The following PLOD2 variants were observed in gnomAD, a reference collection of about 807,000 sequenced individuals.
PLOD2 encodes the protein lysine hydroxylase 2.
PLOD2 carries 65 observed loss-of-function variants against 101.0 expected under a neutral mutation model. That is an observed-to-expected ratio of 0.64 (90% CI 0.53 to 0.79). PLOD2 has a LOEUF of 0.79. PLOD2 is among the 30% of genes least tolerant of loss of function. The pLI is 0.00. For missense variants in PLOD2, 909 were observed against 914.6 expected (o/e 0.99, Z 0.08); for synonymous variants, 314 against 302.9 (o/e 1.04, Z -0.38).
chr3:146,154,620 GAA>G (rs2108146874), intron 1 of PLOD2, among the ~76,000 whole-genome samples: 1 of 152,186 alleles, frequency 6.6e-6, no homozygotes, highest in African/African-American at 2.4e-5. Flanking sequence ...TAGCGGAAAA[GAA>G]ATTGTAAACA....
intron 3 of PLOD2, among the ~76,000 whole-genome samples, chr3:146,110,703 T>C (rs1310173112): frequency 6.6e-6 from 1 of 152,178 alleles, no homozygotes; most frequent in East Asian, 1.9e-4. Flanking sequence ...TTAATTTTTT[T>C]TTCAGGAATC....
intron 7 of PLOD2, among the ~76,000 whole-genome samples, chr3:146,093,562 T>A (rs1302450057): frequency 6.6e-6 from 1 of 152,210 alleles, no homozygotes; most frequent in Non-Finnish European, 1.5e-5. Context: ...ATGTATCCCC[T>A]ATTTAGCATT....
chr3:146,099,828 T>C (rs574651906), intron 7 of PLOD2, among the ~76,000 whole-genome samples: 1 of 151,520 alleles, frequency 6.6e-6, no homozygotes, highest in African/African-American at 2.4e-5. Flanking sequence ...TACACACACA[T>C]AGTAAAGGGA....
At chr3:146,139,377 A>C (rs557722070) in intron 1 of PLOD2, among the ~76,000 whole-genome samples, 7 of 152,142 alleles carry the variant, frequency 4.6e-5, no homozygotes, top group Non-Finnish European at 7.4e-5. Flanking sequence ...TTACATAAAT[A>C]AAATTTTAAG....
intron 1 of PLOD2, among the ~76,000 whole-genome samples, chr3:146,159,461 C>G (rs570501326): frequency 1.3e-5 from 2 of 152,342 alleles, no homozygotes; most frequent in South Asian, 4.1e-4. Flanking sequence ...AGAGGCCTCT[C>G]TAAATATTAC....
intron 12 of PLOD2, among the ~76,000 whole-genome samples, chr3:146,080,067 A>G (rs1297113876): frequency 1.3e-5 from 2 of 151,970 alleles, no homozygotes; most frequent in Non-Finnish European, 2.9e-5. Context: ...TGACCAAGAA[A>G]TGCAGTTAGA....
chr3:146,121,072 T>C (rs747867210), intron 3 of PLOD2, 40 bp downstream of exon 3: 5 of 1,425,964 alleles, frequency 3.5e-6, no homozygotes, highest in Non-Finnish European at 5.0e-6. Context: ...TAAAAAGTAA[T>C]TGAATATAGA....
At chr3:146,079,466 T>C (rs940028035) in intron 12 of PLOD2, among the ~76,000 whole-genome samples, 1 of 152,000 alleles carries the variant, frequency 6.6e-6, no homozygotes, top group Non-Finnish European at 1.5e-5. Context: ...ACTGCCCCTT[T>C]GGATACATTT....
At chr3:146,112,502 G>A (rs1428646913) in intron 3 of PLOD2, among the ~76,000 whole-genome samples, 2 of 151,658 alleles carry the variant, frequency 1.3e-5, no homozygotes, top group Non-Finnish European at 2.9e-5. Context: ...TTGTCGGTGG[G>A]CGGGGGGCAA....
chr3:146,131,701 C>G (rs572152221), intron 1 of PLOD2, among the ~76,000 whole-genome samples: 1 of 152,122 alleles, frequency 6.6e-6, no homozygotes, highest in Admixed American at 6.5e-5. Context: ...CAATCTAAGA[C>G]AACTCGGGAT....
intron 1 of PLOD2, among the ~76,000 whole-genome samples, chr3:146,157,814 G>A (rs527334360): frequency 6.6e-6 from 1 of 152,198 alleles, no homozygotes; most frequent in Non-Finnish European, 1.5e-5. Context: ...AGAAAGTACA[G>A]AGGACAAGAC....
chr3:146,108,176 A>T (rs190955661), intron 4 of PLOD2, among the ~76,000 whole-genome samples: 4 of 151,208 alleles, frequency 2.6e-5, no homozygotes, highest in Non-Finnish European at 5.9e-5. Context: ...TCTATTAAAA[A>T]CTCTTTTTGT....
intron 7 of PLOD2, among the ~76,000 whole-genome samples, chr3:146,097,125 G>T (rs1409314350): frequency 1.3e-5 from 2 of 148,984 alleles, no homozygotes; most frequent in South Asian, 4.3e-4. Context: ...CAGGAGGGAG[G>T]TGGGGGGGTC....
chr3:146,079,059 T>C, intron 13 of PLOD2, 57 bp downstream of exon 13: 2 of 1,555,816 alleles, frequency 1.3e-6, no homozygotes, highest in Non-Finnish European at 1.8e-6. Flanking sequence ...ACACACCAAC[T>C]GGTAAAGCAA....
At chr3:146,079,339 C>T (rs1323982570) in intron 12 of PLOD2, 82 bp from the exon 13 acceptor site, 5 of 1,038,662 alleles carry the variant, frequency 4.8e-6, no homozygotes, top group East Asian at 5.2e-5. Context: ...AAAATAAATG[C>T]TTTGTGTTTA....
Position 146,081,802 on chromosome 3 carries a change from A to T in PLOD2, c.1294T>A (p.Leu432Met). The T allele has an allele frequency of 6.2e-7, 1 of 1,611,374 alleles. No homozygotes were observed. The highest frequency in any genetic ancestry group is 8.5e-7 in the Non-Finnish European group (1 of 1,177,660). ...CGTGCATAGTATCCATCAGGACTCA[A>T]TGCTCCCCAGAAATTGGACCACAGC... ...GKLWSNFWGA[L>M]SPDGYYARSE... is the part of the protein sequence containing the mutation. Residue 432 changes from leucine (L) to methionine (M), a missense_variant, in exon 12 of 20, where the codon TTG becomes ATG. Physicochemically the swap from Leu to Met is conservative, Grantham distance 15 (BLOSUM62 2). Transcript: ENST00000282903.
chr3:146,140,225 C>T (rs2031456530), intron 1 of PLOD2, among the ~76,000 whole-genome samples: 1 of 151,976 alleles, frequency 6.6e-6, no homozygotes, highest in African/African-American at 2.4e-5. Flanking sequence ...TGTTAGAAAG[C>T]TGAGCCAATG....
At position 146,070,551 on chromosome 3, in the gene PLOD2, TCAAA is replaced by T. The variant is rs1936087776; in HGVS notation, c.*162_*165del. On this transcript the variant is annotated 3_prime_UTR_variant, in exon 20 of 20. Transcript: ENST00000282903. ...GGCTCAGAGCAGACATTAAGAAATA[TCAAA>T]CAATTTTTTATAAAAAGTTTTTCAA... The T allele has an allele frequency of 7.3e-6, 4 of 549,868 alleles. No individual in the cohort carries two copies. The highest frequency in any genetic ancestry group is 3.8e-5 in the African/African-American group (2 of 52,180). The allele number at this position is 549,868 out of a possible 1,614,324, so 34.1% of individuals were successfully genotyped here.
chr3:146,078,985 A>G (rs1936435606), intron 13 of PLOD2, 131 bp downstream of exon 13: 1 of 861,124 alleles, frequency 1.2e-6, no homozygotes, highest in Non-Finnish European at 2.0e-6. Flanking sequence ...ATTTTTTAAC[A>G]CAGAACCAAA....
Sources: gnomAD v4.1 joint callset for allele counts (sites outside exome capture counted in the v4.1 genomes callset) on GRCh38, gnomAD v4.1.1 for gene constraint, MANE v1.5 for transcripts, NCBI Gene and HGNC (gene_info 2026-07-23, HGNC 2026-07-21) for gene names.